Variants in RAD51B observed in about 807,000 individuals in gnomAD.
RAD51B encodes RAD51 paralog B.
A neutral mutation model predicts 42.2 loss-of-function variants in RAD51B; 38 were observed. The ratio of observed to expected loss-of-function variants is 0.90; its 90% confidence interval spans 0.70 to 1.18. The LOEUF is 1.18. RAD51B is among the 50% of genes most tolerant of loss of function. The pLI, the probability that RAD51B is intolerant of heterozygous loss-of-function variation, is 0.00. For synonymous variants in RAD51B, 154 were observed against 145.2 expected (o/e 1.06, Z -0.43); for missense variants, 373 against 400.7 (o/e 0.93, Z 0.59).
intron 7 of RAD51B, among the ~76,000 whole-genome samples, chr14:68,028,414 G>A (rs1595282322): frequency 1.3e-5 from 2 of 152,266 alleles, no homozygotes; most frequent in East Asian, 3.9e-4. Context: ...CTTGCAGAGG[G>A]ATGCATGCCC....
In RAD51B at chr14:68,412,317, C is replaced by T. The variant is rs575220185; in HGVS notation, c.957+790C>T. ...TCTCCTAAAAGCAGGAGGAAGAAGA[C>T]GGGTGATTATTTTGATTTTTTGGAT... is the stretch of plus-strand genomic sequence containing the variant. On this transcript the variant is annotated intron_variant, in intron 9 of 10. Transcript: ENST00000471583. Among the ~76,000 whole-genome samples, 44 of 152,220 alleles carry T rather than the reference C, an allele frequency of 2.9e-4. No individual in the cohort carries two copies. In the South Asian group the frequency reaches 4.6e-3, roughly 16 times the overall value.
chr14:68,020,034 G>T (rs893787978), intron 7 of RAD51B, among the ~76,000 whole-genome samples: 12 of 152,116 alleles, frequency 7.9e-5, no homozygotes, highest in Non-Finnish European at 1.3e-4. Flanking sequence ...TAAGCTTTGG[G>T]GTTCTTATTT....
intron 7 of RAD51B, among the ~76,000 whole-genome samples, chr14:67,964,466 C>A (rs542332157): frequency 2.0e-5 from 3 of 152,174 alleles, no homozygotes; most frequent in Non-Finnish European, 4.4e-5. Context: ...TGTTTCTTTG[C>A]GTTGCTGGAG....
intron 7 of RAD51B, among the ~76,000 whole-genome samples, chr14:68,245,872 T>C (rs1595599884): frequency 6.6e-6 from 1 of 152,006 alleles, no homozygotes; most frequent in Admixed American, 6.6e-5. Flanking sequence ...GGAGTGGTGG[T>C]TGTCAGGAGC....
At chr14:68,063,761 G>T (rs1175731493) in intron 7 of RAD51B, among the ~76,000 whole-genome samples, 4 of 152,030 alleles carry the variant, frequency 2.6e-5, no homozygotes, top group Admixed American at 1.3e-4. Context: ...AAATAAAAAG[G>T]TGTCAGGCAC....
intron 11 of RAD51B, among the ~76,000 whole-genome samples, chr14:68,651,652 T>A (rs1892701059): frequency 6.6e-6 from 1 of 152,194 alleles, no homozygotes. Flanking sequence ...TTATATGCTA[T>A]TTGGACGAAG....
downstream of RAD51B, among the ~76,000 whole-genome samples, chr14:68,478,859 G>A (rs953300421): frequency 8.5e-5 from 13 of 152,272 alleles, no homozygotes; most frequent in Non-Finnish European, 1.3e-4. Context: ...TTTGTTGAGC[G>A]CATACCAAGT....
chr14:68,253,956 T>C (rs902932295), intron 7 of RAD51B, among the ~76,000 whole-genome samples: 1 of 152,202 alleles, frequency 6.6e-6, no homozygotes, highest in Non-Finnish European at 1.5e-5. Context: ...TTTATTCTAG[T>C]TTTTCAAATA....
intron 3 of RAD51B, among the ~76,000 whole-genome samples, chr14:67,833,073 G>A (rs1281890437): frequency 6.6e-6 from 1 of 152,050 alleles, no homozygotes; most frequent in Non-Finnish European, 1.5e-5. Context: ...ACAACACCAA[G>A]GATAAGAAAG....
intron 7 of RAD51B, among the ~76,000 whole-genome samples, chr14:68,005,071 T>C (rs2075561479): frequency 1.4e-5 from 2 of 143,164 alleles, no homozygotes; most frequent in South Asian, 4.6e-4. Context: ...TTTTTTTTTT[T>C]TGAGACAGTG....
intron 7 of RAD51B, among the ~76,000 whole-genome samples, chr14:67,946,689 A>G (rs1261714688): frequency 6.6e-6 from 1 of 152,194 alleles, no homozygotes; most frequent in Non-Finnish European, 1.5e-5. Flanking sequence ...TAGAGAAAAC[A>G]AAAGTCTTTG....
chr14:68,298,941 G>A (rs7150454), intron 8 of RAD51B, among the ~76,000 whole-genome samples: 130,368 of 152,132 alleles, frequency 0.86, 56,343 homozygotes, highest in East Asian at 0.99. Context: ...GATGTTTACT[G>A]GGATTTGGAA....
At chr14:68,491,827 T>C (rs1884100517) in intron 10 of RAD51B, among the ~76,000 whole-genome samples, 1 of 152,170 alleles carries the variant, frequency 6.6e-6, no homozygotes, top group African/African-American at 2.4e-5. Flanking sequence ...TAAGCCTGAG[T>C]CTATGACCTC....
intron 10 of RAD51B, among the ~76,000 whole-genome samples, chr14:68,522,090 C>T (rs1886622629): frequency 6.6e-6 from 1 of 152,160 alleles, no homozygotes; most frequent in Admixed American, 6.5e-5. Flanking sequence ...CGTCTTGCTC[C>T]CAGTCCACAC....
intron 8 of RAD51B, among the ~76,000 whole-genome samples, chr14:68,403,278 T>C (rs2084167708): frequency 6.6e-6 from 1 of 152,092 alleles, no homozygotes; most frequent in Non-Finnish European, 1.5e-5. Flanking sequence ...CCTTCCCCTC[T>C]GTTCCTATTT....
At chr14:67,847,779 T>C (rs919336315) in intron 4 of RAD51B, among the ~76,000 whole-genome samples, 3 of 152,172 alleles carry the variant, frequency 2.0e-5, no homozygotes, top group African/African-American at 7.2e-5. Context: ...GATCGTTCTA[T>C]AGATATCTGT....
At chr14:68,064,513 C>T (rs937328498) in intron 7 of RAD51B, among the ~76,000 whole-genome samples, 5 of 152,076 alleles carry the variant, frequency 3.3e-5, no homozygotes, top group South Asian at 2.1e-4. Flanking sequence ...GGGTAGTTCT[C>T]AGCTATTATT....
intron 7 of RAD51B, among the ~76,000 whole-genome samples, chr14:68,026,755 C>A (rs1190152401): frequency 2.0e-5 from 3 of 152,004 alleles, no homozygotes; most frequent in Non-Finnish European, 2.9e-5. Flanking sequence ...TGAAATGAAT[C>A]TCTTAACAGC....
intron 9 of RAD51B, among the ~76,000 whole-genome samples, chr14:68,422,687 T>C (rs1035595211): frequency 1.3e-5 from 2 of 152,216 alleles, no homozygotes; most frequent in African/African-American, 4.8e-5. Context: ...GTTAGTCTGA[T>C]TATGTTACCA....
Sources: allele counts gnomAD v4.1 joint callset (sites outside exome capture counted in the v4.1 genomes callset), GRCh38; gene constraint gnomAD v4.1.1; transcripts MANE v1.5; gene names NCBI Gene and HGNC (gene_info 2026-07-23, HGNC 2026-07-21).